The following ANKFN1 variants were observed in gnomAD, a reference collection of about 807,000 sequenced individuals.
ANKFN1 encodes the protein ankyrin repeat and fibronectin type-III domain-containing protein 1.
A neutral mutation model predicts 108.7 loss-of-function variants in ANKFN1; 74 were observed. The ratio of observed to expected loss-of-function variants is 0.68; its 90% confidence interval spans 0.56 to 0.83. The LOEUF is 0.83. Ranked by LOEUF, ANKFN1 falls within the 40% of genes least tolerant of loss-of-function variation. ANKFN1 has a pLI of 0.00. For missense variants in ANKFN1, 1,505 were observed against 1,382.3 expected (o/e 1.09, Z -1.41); for synonymous variants, 547 against 516.2 (o/e 1.06, Z -0.81).
intron 2 of ANKFN1, chr17:56,224,922 T>C (rs1278917808): frequency 6.6e-6 from 1 of 152,218 alleles, no homozygotes; most frequent in East Asian, 1.9e-4. Flanking sequence ...CCGAGGAGGG[T>C]AACCTGCTGG....
rs2145519751 is a variant in ANKFN1 at position 56,516,111 on chromosome 17, G to A, written c.*4842G>A. ...ACTTTCACAGTAATCACCCTCCAGT[G>A]ACTGATTTTCAAAAGCCAAGTGTGG... On this transcript the variant is annotated 3_prime_UTR_variant, in exon 21 of 21. Coordinates refer to ENST00000682825, the MANE Select transcript of ANKFN1 (RefSeq NM_001370326.1). 6.6e-6 allele frequency among the ~76,000 whole-genome samples: 1 copy of A among 152,242 alleles called. No homozygotes were observed. The highest frequency in any genetic ancestry group is 1.9e-4 in the East Asian group (1 of 5,190).
intron 4 of ANKFN1, among the ~76,000 whole-genome samples, chr17:56,330,213 T>G (rs561524010): frequency 4.7e-4 from 41 of 88,118 alleles, no homozygotes; most frequent in Middle Eastern, 7.9e-3. Context: ...GGAATCACAG[T>G]TCCACATGGC....
At chr17:56,081,374 A>G (rs1259471749) in intron 4 of ANKFN1, among the ~76,000 whole-genome samples, 2 of 151,286 alleles carry the variant, frequency 1.3e-5, no homozygotes, top group African/African-American at 2.4e-5. Context: ...TTTTTTTGAG[A>G]CAGAGTCTGA....
At chr17:56,246,616 T>C (rs1917974066) in intron 3 of ANKFN1, among the ~76,000 whole-genome samples, 1 of 152,164 alleles carries the variant, frequency 6.6e-6, no homozygotes, top group African/African-American at 2.4e-5. Context: ...CAATAAATGT[T>C]ATAATTTTTA....
chr17:56,155,519 G>A (rs1406923916), intron 1 of ANKFN1, among the ~76,000 whole-genome samples: 3 of 152,298 alleles, frequency 2.0e-5, no homozygotes, highest in South Asian at 2.1e-4. Context: ...TCTGGATAGC[G>A]TGGTCAGGAA....
In ANKFN1 at chr17:56,385,414, G is replaced by T. The variant is rs564691725; in HGVS notation, c.910+10700G>T. Among the ~76,000 whole-genome samples, 113 of 152,266 alleles carry T rather than the reference G, an allele frequency of 7.4e-4. 1 individual carries two copies. The highest frequency in any genetic ancestry group is 2.4e-3 in the African/African-American group (99 of 41,548). On this transcript the variant is annotated intron_variant, in intron 8 of 20. Transcript: ENST00000682825. ...CCATTCAGGACATAGGCATGGGCAAGGACTTCATGTCTAAAACACCAACAG... is the reference window on the plus strand; with the variant it reads ...CCATTCAGGACATAGGCATGGGCAATGACTTCATGTCTAAAACACCAACAG...
chr17:56,216,790 A>C (rs1167961953), intron 2 of ANKFN1, among the ~76,000 whole-genome samples: 2 of 152,226 alleles, frequency 1.3e-5, no homozygotes, highest in Non-Finnish European at 2.9e-5. Flanking sequence ...GCCGCTCTTT[A>C]GGTGAAACTC....
At chr17:56,240,105 A>G (rs1452674630) in intron 3 of ANKFN1, among the ~76,000 whole-genome samples, 2 of 152,138 alleles carry the variant, frequency 1.3e-5, no homozygotes, top group Non-Finnish European at 2.9e-5. Context: ...TCAGATTTTT[A>G]TAGATTTTAA....
chr17:56,136,954 T>C (rs1468348740), intron 4 of ANKFN1, among the ~76,000 whole-genome samples: 1 of 152,192 alleles, frequency 6.6e-6, no homozygotes, highest in African/African-American at 2.4e-5. Flanking sequence ...TTACTCTTCA[T>C]ACATACAAAC....
In ANKFN1 at chr17:56,311,323, C is replaced by T. The variant is rs998401563; in HGVS notation, c.54-14898C>T. ...GTAAATTCAGATGCTTCTAATGCTA[C>T]TTCCCATCACAGGGTTGCTGTGGGG... On this transcript the variant is annotated intron_variant, in intron 3 of 20. Transcript: ENST00000682825. Among the ~76,000 whole-genome samples, 3 of 152,162 alleles carry T rather than the reference C, an allele frequency of 2.0e-5. No individual in the cohort carries two copies. In the East Asian group the frequency reaches 5.8e-4, roughly 29 times the overall value.
chr17:56,276,310 C>T (rs1033174862), intron 3 of ANKFN1, among the ~76,000 whole-genome samples: 3 of 152,106 alleles, frequency 2.0e-5, no homozygotes, highest in Non-Finnish European at 4.4e-5. Context: ...AATAGTGCTG[C>T]AATAGACATA....
intron 4 of ANKFN1, among the ~76,000 whole-genome samples, chr17:56,138,512 CTTT>C (rs59070658): frequency 5.2e-5 from 7 of 135,776 alleles, no homozygotes; most frequent in Admixed American, 7.4e-5. Context: ...TTTTTCTTTT[CTTT>C]TTTTTTTTTT....
At chr17:56,275,676 G>A (rs562669895) in intron 3 of ANKFN1, among the ~76,000 whole-genome samples, 1 of 152,242 alleles carries the variant, frequency 6.6e-6, no homozygotes, top group South Asian at 2.1e-4. Flanking sequence ...AATTGTTAAA[G>A]ACTTTTAGGG....
At chr17:56,077,729 A>G (rs1282444589) in intron 4 of ANKFN1, among the ~76,000 whole-genome samples, 5 of 151,794 alleles carry the variant, frequency 3.3e-5, no homozygotes, top group Non-Finnish European at 7.4e-5. Context: ...TGGATCCTAA[A>G]TGTGCTGGTA....
intron 4 of ANKFN1, among the ~76,000 whole-genome samples, chr17:56,066,255 A>G (rs371709388): frequency 2.6e-5 from 4 of 152,222 alleles, no homozygotes; most frequent in East Asian, 1.9e-4. Context: ...AAATATCACC[A>G]TTGGGGAAGT....
At chr17:56,439,932 TATACAC>T (rs919272080) in intron 8 of ANKFN1, among the ~76,000 whole-genome samples, 31 of 152,210 alleles carry the variant, frequency 2.0e-4, no homozygotes, top group African/African-American at 5.3e-4. Flanking sequence ...TGTATATTCA[TATACAC>T]ATACACATAC....
chr17:56,343,331 A>C lies in ANKFN1; in HGVS notation c.189-7435A>C, dbSNP rs75976002. On this transcript the variant is annotated intron_variant, in intron 4 of 20. Transcript: ENST00000682825. ...GTTTTTGTTTATCTGGCAGTATCTT[A>C]ATTTCCTCTGTATTTTTGAAATGTA... Among the ~76,000 whole-genome samples the C allele has an allele frequency of 2.2e-3, 331 of 152,044 alleles. 1 individual carries two copies. Among genetic ancestry groups the C allele is most frequent in the Non-Finnish European group, 4.0e-3 (273 of 67,910 alleles).
chr17:56,219,404 G>A (rs549361091), intron 2 of ANKFN1, among the ~76,000 whole-genome samples: 13 of 152,058 alleles, frequency 8.5e-5, no homozygotes, highest in African/African-American at 3.1e-4. Flanking sequence ...GCACCACCAT[G>A]CCTGGCTAAT....
intron 2 of ANKFN1, among the ~76,000 whole-genome samples, chr17:56,220,382 G>A (rs896707944): frequency 8.5e-5 from 13 of 152,088 alleles, no homozygotes; most frequent in African/African-American, 2.7e-4. Flanking sequence ...TTCTGGATGC[G>A]GTGGCTCACG....
Sources: allele counts gnomAD v4.1 joint callset (sites outside exome capture counted in the v4.1 genomes callset), GRCh38; gene constraint gnomAD v4.1.1; transcripts MANE v1.5; gene names NCBI Gene and HGNC (gene_info 2026-07-23, HGNC 2026-07-21).